Variants in CPXM2 observed in about 807,000 individuals in gnomAD.
CPXM2 encodes the protein inactive carboxypeptidase-like protein X2.
A neutral mutation model predicts 86.1 loss-of-function variants in CPXM2; 66 were observed. The observed-to-expected ratio is 0.77, with a 90% CI of 0.63 to 0.94. CPXM2 has a LOEUF of 0.94. CPXM2 is among the 40% of genes least tolerant of loss of function. The probability of loss-of-function intolerance (pLI) is 0.00; values close to 1 mark genes in which losing one functional copy is unlikely to be tolerated. For missense variants in CPXM2, 948 were observed against 1,026.3 expected (o/e 0.92, Z 1.04); for synonymous variants, 388 against 400.2 (o/e 0.97, Z 0.36).
At chr10:123,874,283 A>G (rs1329549369) in intron 2 of CPXM2, among the ~76,000 whole-genome samples, 1 of 152,084 alleles carries the variant, frequency 6.6e-6, no homozygotes, top group Non-Finnish European at 1.5e-5. Context: ...ACATGGAGGA[A>G]AGGCCAAGGG....
At chr10:123,859,042 C>T (rs1437691571) in intron 3 of CPXM2, among the ~76,000 whole-genome samples, 1 of 152,200 alleles carries the variant, frequency 6.6e-6, no homozygotes, top group African/African-American at 2.4e-5. Context: ...CCAGCACCAG[C>T]ATCCCAGCCT....
chr10:123,816,673 C>G (rs919342502), intron 4 of CPXM2, among the ~76,000 whole-genome samples: 3 of 152,236 alleles, frequency 2.0e-5, no homozygotes, highest in African/African-American at 7.2e-5. Context: ...ATTGACTTGG[C>G]AAATGCCTTT....
chr10:123,789,049 T>G (rs544940787), intron 6 of CPXM2, among the ~76,000 whole-genome samples: 1 of 151,776 alleles, frequency 6.6e-6, no homozygotes, highest in Non-Finnish European at 1.5e-5. Context: ...CCCAACATGC[T>G]CAGCAGACCC....
At chr10:123,767,423 T>G (rs994047830) in intron 9 of CPXM2, among the ~76,000 whole-genome samples, 3 of 152,238 alleles carry the variant, frequency 2.0e-5, no homozygotes, top group African/African-American at 7.2e-5. Flanking sequence ...ATTAGGTTCC[T>G]TCTTCCACCC....
At chr10:123,840,839 T>G (rs576766304) in intron 4 of CPXM2, among the ~76,000 whole-genome samples, 5 of 152,362 alleles carry the variant, frequency 3.3e-5, no homozygotes, top group African/African-American at 9.6e-5. Flanking sequence ...GGTGGTTAAA[T>G]GTAAGCACAG....
At chr10:123,872,113 T>C (rs376395250) in intron 2 of CPXM2, among the ~76,000 whole-genome samples, 53 of 152,284 alleles carry the variant, frequency 3.5e-4, no homozygotes, top group Middle Eastern at 3.4e-3. Context: ...AAGTGTTAAC[T>C]GATACAATCA....
chr10:123,827,226 G>A (rs995246599), intron 4 of CPXM2, among the ~76,000 whole-genome samples: 1 of 152,110 alleles, frequency 6.6e-6, no homozygotes, highest in Non-Finnish European at 1.5e-5. Context: ...ACCTCCCCCA[G>A]GGGAAATGTA....
intron 2 of CPXM2, among the ~76,000 whole-genome samples, chr10:123,912,713 T>C (rs949304336): frequency 6.6e-6 from 1 of 152,162 alleles, no homozygotes; most frequent in Non-Finnish European, 1.5e-5. Context: ...ACTTAGCTTT[T>C]TTCATCCCGG....
chr10:123,760,590 C>T (rs1294930202), intron 11 of CPXM2, among the ~76,000 whole-genome samples: 1 of 152,150 alleles, frequency 6.6e-6, no homozygotes, highest in Non-Finnish European at 1.5e-5. Context: ...AATATTGATG[C>T]TTATCAGTAC....
At chr10:123,836,479 G>A (rs971223007) in intron 4 of CPXM2, among the ~76,000 whole-genome samples, 19 of 151,922 alleles carry the variant, frequency 1.3e-4, no homozygotes, top group Non-Finnish European at 1.5e-4. Flanking sequence ...ATCTCCTCCA[G>A]CTGCAACTGC....
At chr10:123,871,866 C>T (rs796181911) in intron 2 of CPXM2, among the ~76,000 whole-genome samples, 66 of 152,082 alleles carry the variant, frequency 4.3e-4, no homozygotes, top group African/African-American at 1.6e-3. Flanking sequence ...AACAAACAAA[C>T]AAAAACCCTC....
In CPXM2 at chr10:123,754,838, T is replaced by C. The variant is rs764806690; in HGVS notation, c.1918-76A>G. The C allele has an allele frequency of 6.7e-5, 55 of 821,986 alleles. No individual in the cohort carries two copies. Among genetic ancestry groups the C allele is most frequent in the Non-Finnish European group, 1.1e-4 (53 of 466,304 alleles). The allele number at this position is 821,986 out of a possible 1,614,324, so 50.9% of individuals were successfully genotyped here. On this transcript the variant is annotated intron_variant, in intron 12 of 13. Coordinates refer to ENST00000241305, the MANE Select transcript of CPXM2 (RefSeq NM_198148.3). The surrounding 1 kb of genome is among the most constrained non-coding windows in gnomAD (Gnocchi z 4.0). ...ACAACCGGCACAACAGAGTGGGCTG[T>C]CAACCCACCATTGGCCGGTTCCCAC...
chr10:123,859,715 T>C (rs1402959052), intron 3 of CPXM2, among the ~76,000 whole-genome samples: 1 of 152,048 alleles, frequency 6.6e-6, no homozygotes, highest in Non-Finnish European at 1.5e-5. Flanking sequence ...CGAAGACAAA[T>C]AGCACTGATG....
intron 3 of CPXM2, among the ~76,000 whole-genome samples, chr10:123,857,604 GGCGGC>G (rs1258477341): frequency 9.1e-5 from 13 of 142,342 alleles, no homozygotes; most frequent in African/African-American, 1.5e-4. Flanking sequence ...GGAGATGGAA[GGCGGC>G]GTGGAGATGG....
chr10:123,746,334 T>G lies in CPXM2; in HGVS notation c.*430A>C. On this transcript the variant is annotated 3_prime_UTR_variant, in exon 14 of 14. Coordinates refer to ENST00000241305, the MANE Select transcript of CPXM2 (RefSeq NM_198148.3). ...CCTGGGAGCATCTCAAATGGTAACA[T>G]TTGGGACAGCCCAGCTGGGGAAATG... is the stretch of plus-strand genomic sequence containing the variant. The G allele has an allele frequency of 5.3e-6, 1 of 189,062 alleles. No homozygotes were observed. The allele number at this position is 189,062 out of a possible 1,614,324, so 11.7% of individuals were successfully genotyped here. A position where few individuals can be genotyped will look rare whatever the true frequency, so the allele number is the denominator to read the frequency against.
intron 3 of CPXM2, among the ~76,000 whole-genome samples, chr10:123,843,748 A>G (rs1848436983): frequency 6.6e-6 from 1 of 152,160 alleles, no homozygotes; most frequent in African/African-American, 2.4e-5. Context: ...GCAAAACTCT[A>G]TCCATCACTG....
chr10:123,904,523 C>T (rs1945414872), intron 2 of CPXM2, among the ~76,000 whole-genome samples: 1 of 152,252 alleles, frequency 6.6e-6, no homozygotes. Flanking sequence ...AGGGCCTCGA[C>T]GTCAGGGGGC....
chr10:123,921,698 AC>A (rs1945580556), intron 2 of CPXM2, among the ~76,000 whole-genome samples: 2 of 152,216 alleles, frequency 1.3e-5, no homozygotes, highest in Non-Finnish European at 2.9e-5. Flanking sequence ...AATTCAGTGG[AC>A]CTACAGGGTA....
chr10:123,825,136 C>G (rs929215815), intron 4 of CPXM2, among the ~76,000 whole-genome samples: 1 of 152,170 alleles, frequency 6.6e-6, no homozygotes, highest in Non-Finnish European at 1.5e-5. Context: ...CTGAATGAGC[C>G]TCATACTGTG....
Sources: allele counts gnomAD v4.1 joint callset (sites outside exome capture counted in the v4.1 genomes callset), GRCh38; gene constraint gnomAD v4.1.1; non-coding constraint Gnocchi (gnomAD v3.1); transcripts MANE v1.5; gene names NCBI Gene and HGNC (gene_info 2026-07-23, HGNC 2026-07-21).